USP10: variants seen among roughly 807,000 people sequenced by gnomAD.
The protein encoded by USP10 is ubiquitin carboxyl-terminal hydrolase 10.
USP10 carries 22 observed loss-of-function variants against 84.5 expected under a neutral mutation model. The observed-to-expected ratio is 0.26, with a 90% CI of 0.19 to 0.37. The LOEUF is 0.37. Among genes scored for constraint, USP10 ranks in the 10% least tolerant of loss-of-function variants. USP10 has a pLI of 1.00. For missense variants in USP10, 1,019 were observed against 998.9 expected, an observed-to-expected ratio of 1.02 and a Z score of -0.27; for synonymous variants, 454 against 387.6, an observed-to-expected ratio of 1.17 and a Z score of -2.01.
At chr16:84,722,225 T>G (rs147073149) in intron 1 of USP10, among the ~76,000 whole-genome samples, 2 of 152,362 alleles carry the variant, frequency 1.3e-5, no homozygotes, top group Non-Finnish European at 2.9e-5. Flanking sequence ...TTTGGTTACC[T>G]TCACCTGACC....
intron 1 of USP10, among the ~76,000 whole-genome samples, chr16:84,713,303 T>C (rs920167983): frequency 6.6e-6 from 1 of 152,124 alleles, no homozygotes; most frequent in African/African-American, 2.4e-5. Flanking sequence ...TCGCCCCCTT[T>C]GTCCCTGTGG....
At chr16:84,752,813 A>G (rs1375369662) in intron 4 of USP10, among the ~76,000 whole-genome samples, 1 of 152,214 alleles carries the variant, frequency 6.6e-6, no homozygotes, top group African/African-American at 2.4e-5. Context: ...ATGAGTCAGG[A>G]TGGAAGGCTT....
At chr16:84,704,966 G>A in intron 1 of USP10, 1 of 1,485,232 alleles carries the variant, frequency 6.7e-7, no homozygotes, top group Non-Finnish European at 9.1e-7. Flanking sequence ...TGCATGTGGA[G>A]TGCGGGCCCA....
chr16:84,765,645 A>G (rs1913771304), intron 10 of USP10, among the ~76,000 whole-genome samples: 1 of 152,018 alleles, frequency 6.6e-6, no homozygotes, highest in South Asian at 2.1e-4. Flanking sequence ...CTATATATAC[A>G]CACCACAGTT....
At chr16:84,711,996 A>G (rs1303504241) in intron 1 of USP10, among the ~76,000 whole-genome samples, 1 of 152,168 alleles carries the variant, frequency 6.6e-6, no homozygotes, top group Non-Finnish European at 1.5e-5. Context: ...CTGGGGTTAC[A>G]GGCATGAGCC....
intron 1 of USP10, among the ~76,000 whole-genome samples, chr16:84,718,833 C>T (rs1022744710): frequency 7.9e-5 from 12 of 151,756 alleles, no homozygotes; most frequent in Admixed American, 1.3e-4. Flanking sequence ...TTCTCTGTCA[C>T]CCAGGCTGGA....
At chr16:84,714,914 AT>A (rs1299043000) in intron 1 of USP10, among the ~76,000 whole-genome samples, 1 of 146,824 alleles carries the variant, frequency 6.8e-6, no homozygotes, top group Non-Finnish European at 1.5e-5. Flanking sequence ...AAAAGTTCTG[AT>A]TATTATTATT....
At chr16:84,759,115 T>G (rs1912907187) in intron 5 of USP10, among the ~76,000 whole-genome samples, 1 of 152,250 alleles carries the variant, frequency 6.6e-6, no homozygotes, top group Non-Finnish European at 1.5e-5. Flanking sequence ...TTTAACTGAT[T>G]GAACTGTCTT....
intron 4 of USP10, among the ~76,000 whole-genome samples, chr16:84,753,839 C>G (rs1912215826): frequency 6.6e-6 from 1 of 152,190 alleles, no homozygotes; most frequent in Non-Finnish European, 1.5e-5. Context: ...CATGCACTGT[C>G]TAGTTGGAGT....
intron 1 of USP10, among the ~76,000 whole-genome samples, chr16:84,730,923 T>G (rs1251741544): frequency 6.6e-6 from 1 of 152,022 alleles, no homozygotes; most frequent in Non-Finnish European, 1.5e-5. Context: ...TAAAAGGCCT[T>G]TCTTGTTAGT....
intron 4 of USP10, among the ~76,000 whole-genome samples, chr16:84,753,655 C>T (rs1347882634): frequency 2.0e-5 from 3 of 152,220 alleles, no homozygotes; most frequent in Admixed American, 6.5e-5. Context: ...CTTTACTGTG[C>T]GTCTTCTCAG....
intron 11 of USP10, among the ~76,000 whole-genome samples, chr16:84,769,729 G>A (rs1226919499): frequency 6.6e-6 from 1 of 152,124 alleles, no homozygotes; most frequent in Non-Finnish European, 1.5e-5. Flanking sequence ...TTGGGGAGGT[G>A]GTCAGCCTTT....
chr16:84,703,927 A>T (rs1224091898), intron 1 of USP10, among the ~76,000 whole-genome samples: 2 of 152,194 alleles, frequency 1.3e-5, no homozygotes, highest in Non-Finnish European at 2.9e-5. Flanking sequence ...ACTAAAGCAA[A>T]AGTTAGGACA....
chr16:84,740,416 G>A (rs12448489), intron 3 of USP10, 47 bp downstream of exon 3: 312,490 of 1,516,552 alleles, frequency 0.21, 32,862 homozygotes, highest in East Asian at 0.27. Flanking sequence ...TTGGCCATAC[G>A]TGCTGGGTGG....
At position 84,700,045 on chromosome 16, in the gene USP10, G is replaced by C. The variant is rs1234403385; in HGVS notation, c.-46G>C. ...GAAGATGGCGGCGGCGGGGGAAGCAGCGTGAGCAGCCGGAGGATCGCGGAG... is the reference window on the plus strand; with the variant it reads ...GAAGATGGCGGCGGCGGGGGAAGCACCGTGAGCAGCCGGAGGATCGCGGAG... On this transcript the variant is annotated 5_prime_UTR_variant, in exon 1 of 14. Coordinates refer to ENST00000219473, the MANE Select transcript of USP10 (RefSeq NM_005153.3). 2.9e-6 allele frequency: 4 copies of C among 1,356,172 alleles called. No homozygotes were observed. Among genetic ancestry groups the C allele is most frequent in the Non-Finnish European group, 3.9e-6 (4 of 1,032,434 alleles). 84.0% of individuals were successfully genotyped at this position (1,356,172 alleles called of 1,614,324 possible).
At chr16:84,739,604 C>T (rs1910385076) in intron 2 of USP10, among the ~76,000 whole-genome samples, 1 of 152,120 alleles carries the variant, frequency 6.6e-6, no homozygotes, top group Non-Finnish European at 1.5e-5. Flanking sequence ...CCAATGTGTC[C>T]ATTGGAAGCA....
At chr16:84,768,489 T>A in intron 11 of USP10, 131 bp downstream of exon 11, 1 of 884,714 alleles carries the variant, frequency 1.1e-6, no homozygotes, top group African/African-American at 1.7e-5. Flanking sequence ...CATTTTGTAC[T>A]GAAAGTTTTT....
chr16:84,744,630 C>T lies in USP10; in HGVS notation c.152-3C>T, dbSNP rs1313001378. On this transcript the variant is annotated splice_polypyrimidine_tract_variant and splice_region_variant and intron_variant, in intron 3 of 13. Coordinates refer to ENST00000219473, the MANE Select transcript of USP10 (RefSeq NM_005153.3). Reference sequence around the variant, plus strand: ...CTTAACTAATAGTTTTCTTTCTAAACAGGACAAGAATATCAGAGAATTGAG... The same window carrying T: ...CTTAACTAATAGTTTTCTTTCTAAATAGGACAAGAATATCAGAGAATTGAG... 2.5e-6 allele frequency: 4 copies of T among 1,590,400 alleles called. No individual in the cohort carries two copies. The highest frequency in any genetic ancestry group is 4.5e-5 in the East Asian group (2 of 44,436).
intron 8 of USP10, among the ~76,000 whole-genome samples, chr16:84,761,933 A>G (rs1913254433): frequency 6.6e-6 from 1 of 152,282 alleles, no homozygotes; most frequent in Non-Finnish European, 1.5e-5. Context: ...CGTGCAGAGC[A>G]TGCACTCACG....
Sources: gnomAD v4.1 joint callset for allele counts (sites outside exome capture counted in the v4.1 genomes callset) on GRCh38, gnomAD v4.1.1 for gene constraint, MANE v1.5 for transcripts, NCBI Gene and HGNC (gene_info 2026-07-23, HGNC 2026-07-21) for gene names.